Variants in HIVEP3 observed in about 807,000 individuals in gnomAD.
The protein encoded by HIVEP3 is transcription factor HIVEP3.
HIVEP3 carries 49 observed loss-of-function variants against 152.8 expected under a neutral mutation model. The observed-to-expected ratio is 0.32, with a 90% CI of 0.26 to 0.41. HIVEP3 has a LOEUF of 0.41. HIVEP3 is among the 10% of genes least tolerant of loss of function. The probability of loss-of-function intolerance (pLI) is 1.00; values close to 1 mark genes in which losing one functional copy is unlikely to be tolerated. For synonymous variants in HIVEP3, 1,269 were observed against 1,289.0 expected, an observed-to-expected ratio of 0.98 and a Z score of 0.33; for missense variants, 2,790 against 3,103.3, an observed-to-expected ratio of 0.90 and a Z score of 2.40.
In HIVEP3 at chr1:41,683,987, T is replaced by C. The variant is rs887436328; in HGVS notation, c.-721+16929A>G. 2.6e-5 allele frequency among the ~76,000 whole-genome samples: 4 copies of C among 152,198 alleles called. No homozygotes were observed. In the East Asian group the frequency reaches 7.7e-4, roughly 29 times the overall value. On this transcript the variant is annotated intron_variant, in intron 2 of 8. Coordinates refer to ENST00000372583, the MANE Select transcript of HIVEP3 (RefSeq NM_024503.5). The stretch of plus-strand genomic sequence containing the variant: ...AGCTCAGATGACTATCAGTTCCTAA[T>C]TGGTTAGCAGCTGTGTGGTCCTTTG...
intron 1 of HIVEP3, among the ~76,000 whole-genome samples, chr1:41,742,896 T>A (rs923283318): frequency 1.3e-5 from 2 of 152,230 alleles, no homozygotes; most frequent in African/African-American, 4.8e-5. Context: ...CTAGGTTTCA[T>A]ATCCATCACT....
intron 2 of HIVEP3, among the ~76,000 whole-genome samples, chr1:41,629,969 C>T (rs568778323): frequency 3.9e-5 from 6 of 152,266 alleles, no homozygotes; most frequent in Middle Eastern, 3.4e-3. Context: ...AAAAGACACA[C>T]GCATTTGTAT....
intron 1 of HIVEP3, among the ~76,000 whole-genome samples, chr1:41,888,471 A>G (rs1274567069): frequency 6.6e-6 from 1 of 151,926 alleles, no homozygotes; most frequent in African/African-American, 2.4e-5. Flanking sequence ...GGAGAAAGGA[A>G]GGCCTATCCA....
At chr1:41,526,545 A>T (rs1325808635) in intron 5 of HIVEP3, among the ~76,000 whole-genome samples, 1 of 52,906 alleles carries the variant, frequency 1.9e-5, no homozygotes, top group African/African-American at 9.5e-5. Context: ...ACACCCCCAC[A>T]CTCACCCTCA....
Position 41,662,243 on chromosome 1 carries a change from C to G in HIVEP3, c.-720-33296G>C, listed in dbSNP as rs1373675293. ...CGCGGCTCGGCAGCGCCCGCGCGCT[C>G]GGCTCCGCCCGGCTCGGCTCCGCCC... On this transcript the variant is annotated intron_variant, in intron 2 of 8. Transcript: ENST00000372583. The surrounding 1 kb of genome is among the most constrained non-coding windows in gnomAD (Gnocchi z 7.2). 6.9e-6 allele frequency: 1 copy of G among 145,874 alleles called. No individual in the cohort carries two copies. Among genetic ancestry groups the G allele is most frequent in the Non-Finnish European group, 1.5e-5 (1 of 65,682 alleles). 9.0% of individuals were successfully genotyped at this position (145,874 alleles called of 1,614,324 possible).
intron 1 of HIVEP3, among the ~76,000 whole-genome samples, chr1:41,911,356 C>T (rs2124465111): frequency 6.6e-6 from 1 of 152,242 alleles, no homozygotes; most frequent in Admixed American, 6.5e-5. Flanking sequence ...CAATATCCTA[C>T]AAAATATAAA....
chr1:41,756,370 A>G (rs1035385601), intron 1 of HIVEP3, among the ~76,000 whole-genome samples: 1 of 152,216 alleles, frequency 6.6e-6, no homozygotes, highest in South Asian at 2.1e-4. Context: ...GTGAATCTAC[A>G]CATGTGATGA....
At chr1:41,525,553 C>T (rs1032568514) in intron 5 of HIVEP3, among the ~76,000 whole-genome samples, 4 of 152,198 alleles carry the variant, frequency 2.6e-5, no homozygotes, top group African/African-American at 9.7e-5. Context: ...CAGGGACCAC[C>T]ATTGCTTCCC....
intron 1 of HIVEP3, among the ~76,000 whole-genome samples, chr1:41,764,208 A>G (rs1647868926): frequency 6.6e-6 from 1 of 152,136 alleles, no homozygotes; most frequent in African/African-American, 2.4e-5. Flanking sequence ...GCCAATGAGG[A>G]TTGCTTAGGA....
intron 5 of HIVEP3, among the ~76,000 whole-genome samples, chr1:41,528,872 C>T (rs111203973): frequency 8.5e-5 from 12 of 140,426 alleles, no homozygotes; most frequent in African/African-American, 3.2e-4. Flanking sequence ...ACACACTCCA[C>T]ACTTCCACCC....
chr1:41,581,056 G>A lies in HIVEP3; in HGVS notation c.3742C>T (p.Leu1248Phe). 1.3e-6 allele frequency: 2 copies of A among 1,558,744 alleles called. No homozygotes were observed. The highest frequency in any genetic ancestry group is 1.7e-6 in the Non-Finnish European group (2 of 1,151,338). Reference protein sequence around the residue: ...FFLPLQSQFALQLPGDVESHL... With the variant: ...FFLPLQSQFAFQLPGDVESHL... ...CTTTCCACATCACCAGGGAGCTGAA[G>A]TGCAAACTGGGATTGCAGAGGCAGG... Residue 1248 changes from leucine to phenylalanine, a missense_variant, in exon 4 of 9, where the codon CTT becomes TTT. By Grantham distance (22) the Leu-to-Phe change is conservative. Around this residue, in one of 9 missense-constraint regions of HIVEP3, gnomAD observed 1,078 missense variants for 1,165.3 expected, o/e 0.93. Transcript: ENST00000372583. This position sits in a 1 kb window ranked among gnomAD's most constrained non-coding sequence, Gnocchi z 4.5.
intron 1 of HIVEP3, among the ~76,000 whole-genome samples, chr1:41,995,399 G>C (rs955500669): frequency 1.3e-5 from 2 of 152,158 alleles, no homozygotes; most frequent in African/African-American, 4.8e-5. Flanking sequence ...ATCTAGAATT[G>C]TATTATCAGT....
intron 1 of HIVEP3, among the ~76,000 whole-genome samples, chr1:41,876,541 G>C (rs955427244): frequency 8.5e-5 from 13 of 152,136 alleles, no homozygotes; most frequent in Non-Finnish European, 1.8e-4. Flanking sequence ...GACAATGCTT[G>C]ACAAACATTA....
intron 1 of HIVEP3, among the ~76,000 whole-genome samples, chr1:41,825,993 G>C (rs1232191745): frequency 6.6e-6 from 1 of 152,126 alleles, no homozygotes; most frequent in Non-Finnish European, 1.5e-5. Flanking sequence ...AGAGTAATGA[G>C]TAATGAGCCA....
At chr1:41,596,081 C>G (rs1418639806) in intron 3 of HIVEP3, among the ~76,000 whole-genome samples, 2 of 152,166 alleles carry the variant, frequency 1.3e-5, no homozygotes, top group Non-Finnish European at 2.9e-5. Flanking sequence ...AGGCAGGAGC[C>G]CCACGATGTG....
chr1:41,844,916 G>A (rs1255053084), intron 1 of HIVEP3, among the ~76,000 whole-genome samples: 1 of 152,200 alleles, frequency 6.6e-6, no homozygotes, highest in Non-Finnish European at 1.5e-5. Context: ...CCAGCCAGGG[G>A]CAGAGGTCAC....
Position 41,985,925 on chromosome 1 carries a change from A to C in HIVEP3, n.119+49882T>G, listed in dbSNP as rs557650383. 3.3e-4 allele frequency among the ~76,000 whole-genome samples: 50 copies of C among 152,304 alleles called. No individual in the cohort carries two copies. In the East Asian group the frequency reaches 8.9e-3, roughly 27 times the overall value. On this transcript the variant is annotated intron_variant and non_coding_transcript_variant, in intron 1 of 3. Transcript: ENST00000489103. Reference sequence around the variant, plus strand: ...GCTAAACATTAAGTCTCTTCTGTGAATATGAAAGTCAGTTTTAAAAAAAAA... The same window carrying C: ...GCTAAACATTAAGTCTCTTCTGTGACTATGAAAGTCAGTTTTAAAAAAAAA...
chr1:41,659,778 T>C (rs143813364), intron 2 of HIVEP3, among the ~76,000 whole-genome samples: 273 of 152,242 alleles, frequency 1.8e-3, no homozygotes, highest in African/African-American at 6.4e-3. Context: ...CTGGGAGACA[T>C]GGAGGAAATG....
At chr1:41,667,192 C>G (rs1570267094) in intron 2 of HIVEP3, among the ~76,000 whole-genome samples, 1 of 152,206 alleles carries the variant, frequency 6.6e-6, no homozygotes, top group East Asian at 1.9e-4. Flanking sequence ...CTGTGCATGA[C>G]CAAATCTTAG....
Sources: gnomAD v4.1 joint callset for allele counts (sites outside exome capture counted in the v4.1 genomes callset) on GRCh38, gnomAD v4.1.1 for gene constraint, gnomAD v4.1.1 regional missense constraint, Gnocchi (gnomAD v3.1) non-coding constraint, MANE v1.5 for transcripts, NCBI Gene and HGNC (gene_info 2026-07-23, HGNC 2026-07-21) for gene names.